PATZ1: variants seen among roughly 807,000 people sequenced by gnomAD.
PATZ1 encodes POZ-, AT hook-, and zinc finger-containing protein 1.
Under a neutral mutation model 46.2 loss-of-function variants are expected in PATZ1, and 9 were observed. The ratio of observed to expected loss-of-function variants is 0.19; its 90% CI spans 0.12 to 0.34. PATZ1 has a LOEUF of 0.34. PATZ1 is among the 10% of genes least tolerant of loss of function. The probability of loss-of-function intolerance (pLI) is 1.00; values close to 1 mark genes in which losing one functional copy is unlikely to be tolerated. For missense variants in PATZ1, 632 were observed against 923.0 expected (o/e 0.68, Z 4.08); for synonymous variants, 426 against 378.6 (o/e 1.13, Z -1.45).
At chr22:31,341,913 T>C (rs557250291) in intron 2 of PATZ1, among the ~76,000 whole-genome samples, 2 of 152,310 alleles carry the variant, frequency 1.3e-5, no homozygotes, top group Admixed American at 6.5e-5. Context: ...GCCCAGCACC[T>C]GTGAACACCG....
rs2049601731 is a variant in PATZ1 at position 31,342,967 on chromosome 22, A to G, written c.1272-7T>C. 6.2e-7 allele frequency: 1 copy of G among 1,613,764 alleles called. No individual in the cohort carries two copies. Among genetic ancestry groups the G allele is most frequent in the Admixed American group, 1.7e-5 (1 of 59,990 alleles). ...TCCGTTCAAGTGATCAGGCCTGGAA[A>G]AGAGAGAACCAAGAGGGACTTTAGA... On this transcript the variant is annotated splice_polypyrimidine_tract_variant and splice_region_variant and intron_variant, in intron 1 of 4. Coordinates refer to ENST00000266269, the MANE Select transcript of PATZ1 (RefSeq NM_014323.3).
chr22:31,346,066 GGCGCGCGCTGCGTCCCCTGCAAA>G lies in PATZ1; in HGVS notation c.-487_-465del, dbSNP rs1213799204. On this transcript the variant is annotated 5_prime_UTR_variant, in exon 1 of 5. Transcript: ENST00000266269. ...CGCGGCTTTTCCCGGGCCCGCTGGGGGCGCGCGCTGCGTCCCCTGCAAAGCGCGAGCCGGGGCGGGGGCGCCGG... is the reference window on the plus strand; with the variant it reads ...CGCGGCTTTTCCCGGGCCCGCTGGGGGCGCGAGCCGGGGCGGGGGCGCCGG... 1.2e-5 allele frequency: 2 copies of G among 160,286 alleles called. No individual in the cohort carries two copies. Among genetic ancestry groups the G allele is most frequent in the Non-Finnish European group, 2.7e-5 (2 of 72,976 alleles). The allele number at this position is 160,286 out of a possible 1,614,324, so 9.9% of individuals were successfully genotyped here. A position where few individuals can be genotyped will look rare whatever the true frequency, so the allele number is the denominator to read the frequency against.
chr22:31,340,921 C>G, intron 2 of PATZ1: 1 of 1,067,096 alleles, frequency 9.4e-7, no homozygotes, highest in Non-Finnish European at 1.1e-6. Flanking sequence ...GGATCTAGAT[C>G]TGAGTGGGAA....
intron 3 of PATZ1, among the ~76,000 whole-genome samples, chr22:31,333,871 A>T (rs1372207391): frequency 6.6e-6 from 1 of 152,164 alleles, no homozygotes; most frequent in Non-Finnish European, 1.5e-5. Context: ...TACTGGGCCA[A>T]CTTTCCCACT....
chr22:31,335,650 C>A, intron 3 of PATZ1, 42 bp downstream of exon 3: 1 of 1,593,650 alleles, frequency 6.3e-7, no homozygotes, highest in South Asian at 1.1e-5. Flanking sequence ...CATACACGCT[C>A]AGGCCCATCC....
Position 31,328,929 on chromosome 22 carries a change from A to C in PATZ1, c.1508-5T>G. The C allele has an allele frequency of 1.9e-6, 3 of 1,612,050 alleles. No individual in the cohort carries two copies. Among genetic ancestry groups the C allele is most frequent in the Non-Finnish European group, 2.5e-6 (3 of 1,178,848 alleles). On this transcript the variant is annotated splice_polypyrimidine_tract_variant and splice_region_variant and intron_variant, in intron 3 of 4. Coordinates refer to ENST00000266269, the MANE Select transcript of PATZ1 (RefSeq NM_014323.3). This position sits in a 1 kb window ranked among gnomAD's most constrained non-coding sequence, Gnocchi z 4.8. Reference sequence around the variant, plus strand: ...AGTAGGAGGCAGAGGAGAAACCTAAACAAGACAAAAGGAGATGAGATCCCG... The same window carrying C: ...AGTAGGAGGCAGAGGAGAAACCTAACCAAGACAAAAGGAGATGAGATCCCG...
Position 31,345,362 on chromosome 22 carries a change from C to T in PATZ1, c.241G>A (p.Asp81Asn), listed in dbSNP as rs774451513. 4.4e-6 allele frequency: 7 copies of T among 1,606,872 alleles called. No homozygotes were observed. The South Asian group carries it at 7.7e-5, about 18-fold the overall frequency. ...CCCCCTACATCAGCCGGACCCCCGT[C>T]CGCAGCTCCGCCGTCGCCCAACTGG... ...SAQLGDGGAA[D>N]GGPADVGGAT... Residue 81 changes from aspartate (D) to asparagine (N), a missense_variant, in exon 1 of 5, where the codon GAC (aspartate) becomes AAC (asparagine). Around this residue, in one of 7 missense-constraint regions of PATZ1, gnomAD observed 62 missense variants for 67.9 expected, o/e 0.91. Transcript: ENST00000266269. This position sits in a 1 kb window ranked among gnomAD's most constrained non-coding sequence, Gnocchi z 7.4.
At chr22:31,343,133 C>G in intron 1 of PATZ1, 173 bp from the exon 2 acceptor site, 4 of 1,369,202 alleles carry the variant, frequency 2.9e-6, no homozygotes, top group Middle Eastern at 2.4e-4. Flanking sequence ...CTCCACAGGC[C>G]CAGGCCTCTC....
Position 31,328,725 on chromosome 22 carries a change from C to A in PATZ1, c.1645+62G>T. The A allele has an allele frequency of 6.5e-7, 1 of 1,541,778 alleles. No individual in the cohort carries two copies. The highest frequency in any genetic ancestry group is 1.4e-5 in the African/African-American group (1 of 73,578). On this transcript the variant is annotated intron_variant, in intron 4 of 4. Transcript: ENST00000266269. This position sits in a 1 kb window ranked among gnomAD's most constrained non-coding sequence, Gnocchi z 4.8. Reference sequence around the variant, plus strand: ...AGCCTTCCCGCCTCCCCACGCCCAGCCCAGCGCCCCCACAACACAGTCTGC... The same window carrying A: ...AGCCTTCCCGCCTCCCCACGCCCAGACCAGCGCCCCCACAACACAGTCTGC...
intron 3 of PATZ1, among the ~76,000 whole-genome samples, chr22:31,332,695 T>G (rs994730998): frequency 6.6e-6 from 1 of 152,258 alleles, no homozygotes; most frequent in Non-Finnish European, 1.5e-5. Context: ...CATAGCTTGA[T>G]GTGAGTCCAG....
At chr22:31,342,809 C>T in intron 2 of PATZ1, 88 bp downstream of exon 2, 1 of 1,467,526 alleles carries the variant, frequency 6.8e-7, no homozygotes, top group East Asian at 2.3e-5. Flanking sequence ...AGCCGGGCCC[C>T]CGGCACACGC....
In PATZ1 at chr22:31,344,846, T is replaced by A; in HGVS notation, c.757A>T (p.Ser253Cys). Residue 253 changes from serine to cysteine, a missense_variant, in exon 1 of 5, where the codon AGT (serine) becomes TGT (cysteine). By Grantham distance (112) the Ser-to-Cys change is moderately radical. Around this residue, in one of 7 missense-constraint regions of PATZ1, gnomAD observed 279 missense variants for 284.3 expected, o/e 0.98. Coordinates refer to ENST00000266269, the MANE Select transcript of PATZ1 (RefSeq NM_014323.3). ...SPQLLTSPFPSVASSAPPLTG... is the reference protein window; with the variant it reads ...SPQLLTSPFPCVASSAPPLTG... Reference sequence around the variant, plus strand: ...AGGGGAGGGGCACTGGATGCCACACTGGGGAATGGGGAAGTCAGCAGTTGG... The same window carrying A: ...AGGGGAGGGGCACTGGATGCCACACAGGGGAATGGGGAAGTCAGCAGTTGG... The A allele has an allele frequency of 6.2e-7, 1 of 1,612,678 alleles. No individual in the cohort carries two copies. The highest frequency in any genetic ancestry group is 8.5e-7 in the Non-Finnish European group (1 of 1,179,876).
chr22:31,345,731 T>C lies in PATZ1; in HGVS notation c.-129A>G, dbSNP rs368404587. 25 of 947,778 alleles carry C rather than the reference T, an allele frequency of 2.6e-5. No individual in the cohort carries two copies. Among genetic ancestry groups the C allele is most frequent in the Non-Finnish European group, 3.6e-5 (24 of 658,254 alleles). The allele number at this position is 947,778 out of a possible 1,614,324, so 58.7% of individuals were successfully genotyped here. ...CACGTGCCGGCCCGAGGCTCTGTAG[T>C]CTCGCAGGTGCGCCGAGTGTACACG... is the stretch of plus-strand genomic sequence containing the variant. On this transcript the variant is annotated 5_prime_UTR_variant, in exon 1 of 5. Coordinates refer to ENST00000266269, the MANE Select transcript of PATZ1 (RefSeq NM_014323.3). The surrounding 1 kb of genome is among the most constrained non-coding windows in gnomAD (Gnocchi z 7.4).
In PATZ1 at chr22:31,345,731, T is replaced by A. The variant is rs368404587; in HGVS notation, c.-129A>T. On this transcript the variant is annotated 5_prime_UTR_variant, in exon 1 of 5. Coordinates refer to ENST00000266269, the MANE Select transcript of PATZ1 (RefSeq NM_014323.3). The surrounding 1 kb of genome is among the most constrained non-coding windows in gnomAD (Gnocchi z 7.4). ...CACGTGCCGGCCCGAGGCTCTGTAGTCTCGCAGGTGCGCCGAGTGTACACG... is the reference window on the plus strand; with the variant it reads ...CACGTGCCGGCCCGAGGCTCTGTAGACTCGCAGGTGCGCCGAGTGTACACG... 1.9e-3 allele frequency: 1,783 copies of A among 947,892 alleles called. 24 individuals are homozygous for A. The African/African-American group carries it at 0.027, about 15-fold the overall frequency. 58.7% of individuals were successfully genotyped at this position (947,892 alleles called of 1,614,324 possible).
intron 2 of PATZ1, chr22:31,341,563 AGGC>A (rs1259789604): frequency 6.2e-7 from 1 of 1,614,118 alleles, no homozygotes; most frequent in East Asian, 2.2e-5. Context: ...GAAAGGGAAA[AGGC>A]GGTGTCAGGA....
At chr22:31,329,443 C>G (rs2049409925) in intron 3 of PATZ1, among the ~76,000 whole-genome samples, 1 of 152,222 alleles carries the variant, frequency 6.6e-6, no homozygotes, top group Non-Finnish European at 1.5e-5. Flanking sequence ...CTCCAAGGAT[C>G]CCGTCTTCTA....
chr22:31,341,085 G>C lies in PATZ1; in HGVS notation c.1335+1812C>G, dbSNP rs2049574699. On this transcript the variant is annotated intron_variant, in intron 2 of 4. Coordinates refer to ENST00000266269, the MANE Select transcript of PATZ1 (RefSeq NM_014323.3). ...ATGCCAGGGGAAGGGAAGCAGATAAGCTGGTGGCTAGTTCCCAGGAAGGCA... is the reference window on the plus strand; with the variant it reads ...ATGCCAGGGGAAGGGAAGCAGATAACCTGGTGGCTAGTTCCCAGGAAGGCA... 3.6e-6 allele frequency: 4 copies of C among 1,106,288 alleles called. No individual in the cohort carries two copies. The African/African-American group carries it at 4.8e-5, about 13-fold the overall frequency. 68.5% of individuals were successfully genotyped at this position (1,106,288 alleles called of 1,614,324 possible). A position where few individuals can be genotyped will look rare whatever the true frequency, so the allele number is the denominator to read the frequency against.
chr22:31,341,785 T>C, intron 2 of PATZ1: 1 of 954,270 alleles, frequency 1.0e-6, no homozygotes, highest in Non-Finnish European at 1.6e-6. Context: ...ATCAGCACAC[T>C]ACCTGAGTCA....
chr22:31,335,002 A>C (rs1245777335), intron 3 of PATZ1, among the ~76,000 whole-genome samples: 6 of 152,152 alleles, frequency 3.9e-5, no homozygotes, highest in African/African-American at 1.4e-4. Context: ...TGCAAAACAC[A>C]AACATCTAGC....
Sources: gnomAD v4.1 joint callset for allele counts (sites outside exome capture counted in the v4.1 genomes callset) on GRCh38, gnomAD v4.1.1 for gene constraint, gnomAD v4.1.1 regional missense constraint, Gnocchi (gnomAD v3.1) non-coding constraint, MANE v1.5 for transcripts, NCBI Gene and HGNC (gene_info 2026-07-23, HGNC 2026-07-21) for gene names.